Variants in SLCO1C1 observed in about 807,000 individuals in gnomAD.
The protein encoded by SLCO1C1 is OAT-RP-5.
SLCO1C1 carries 70 observed loss-of-function variants against 76.4 expected under a neutral mutation model. The ratio of observed to expected loss-of-function variants is 0.92; its 90% CI spans 0.76 to 1.12. SLCO1C1 has a LOEUF of 1.12. Ranked by LOEUF, SLCO1C1 falls within the 50% of genes most tolerant of loss-of-function variation. The pLI, the probability that SLCO1C1 is intolerant of heterozygous loss-of-function variation, is 0.00. For missense variants in SLCO1C1, 912 were observed against 823.8 expected (o/e 1.11, Z -1.31); for synonymous variants, 306 against 286.1 (o/e 1.07, Z -0.70).
At chr12:20,741,224 G>A (rs1016952717) in intron 12 of SLCO1C1, among the ~76,000 whole-genome samples, 14 of 152,088 alleles carry the variant, frequency 9.2e-5, no homozygotes, top group African/African-American at 3.4e-4. Context: ...AACATGTGGG[G>A]ATTACAATTT....
chr12:20,735,279 C>A (rs1948486663), intron 10 of SLCO1C1, among the ~76,000 whole-genome samples: 1 of 152,118 alleles, frequency 6.6e-6, no homozygotes, highest in Admixed American at 6.6e-5. Context: ...ATAACAAGGA[C>A]AACTCTGATG....
intron 6 of SLCO1C1, among the ~76,000 whole-genome samples, chr12:20,716,604 T>C (rs371676425): frequency 6.6e-6 from 1 of 152,204 alleles, no homozygotes; most frequent in South Asian, 2.1e-4. Context: ...GTTCCAGAGA[T>C]AACTTTTCCT....
intron 12 of SLCO1C1, among the ~76,000 whole-genome samples, chr12:20,742,216 A>G (rs1565543170): frequency 2.0e-5 from 3 of 152,156 alleles, no homozygotes; most frequent in Non-Finnish European, 4.4e-5. Flanking sequence ...TATTGTGCCA[A>G]GTGTAGAATC....
chr12:20,744,948 A>G (rs528813532), intron 13 of SLCO1C1, among the ~76,000 whole-genome samples: 4 of 152,318 alleles, frequency 2.6e-5, no homozygotes, highest in African/African-American at 9.6e-5. Flanking sequence ...ATGAATGGGA[A>G]AAATCTATCT....
rs1947398554 is a variant in SLCO1C1, at chr12:20,717,124, T to A, written c.677-8T>A. 6.3e-7 allele frequency: 1 copy of A among 1,589,868 alleles called. No individual in the cohort carries two copies. The highest frequency in any genetic ancestry group is 1.4e-5 in the African/African-American group (1 of 73,000). On this transcript the variant is annotated splice_region_variant and splice_polypyrimidine_tract_variant and intron_variant, in intron 6 of 14. Transcript: ENST00000266509. ...CTTTTTTTTTTTCCTTTTCTTTTCT[T>A]GGTGCAGGGTGTGTGCAGACGGTTG...
Position 20,732,944 on chromosome 12 carries a change from T to C in SLCO1C1, c.1222T>C (p.Phe408Leu). ...INIPAVALGI[F>L]SGGIVMKKFR... ...CATTCCAGCAGTGGCCCTTGGAATA[T>C]TCTCTGGGGGGATAGTTATGAAAAA... The change falls in exon 10 of 15, where the codon TTC (phenylalanine) becomes CTC (leucine). Residue 408 changes from phenylalanine to leucine, a missense_variant. Phe to Leu is a conservative substitution (Grantham distance 22). Coordinates refer to ENST00000266509, the MANE Select transcript of SLCO1C1 (RefSeq NM_017435.5). The C allele has an allele frequency of 6.2e-7, 1 of 1,614,084 alleles. No homozygotes were observed. Among genetic ancestry groups the C allele is most frequent in the East Asian group, 2.2e-5 (1 of 44,858 alleles).
intron 9 of SLCO1C1, among the ~76,000 whole-genome samples, chr12:20,729,675 A>G (rs1948180696): frequency 6.6e-6 from 1 of 151,782 alleles, no homozygotes; most frequent in African/African-American, 2.4e-5. Flanking sequence ...GGAAGCTCAG[A>G]GTACTCTGGG....
chr12:20,730,093 G>T (rs573948644), intron 9 of SLCO1C1, among the ~76,000 whole-genome samples: 2 of 152,056 alleles, frequency 1.3e-5, no homozygotes, highest in Non-Finnish European at 2.9e-5. Flanking sequence ...TTACGTCCAG[G>T]TTCAATTGGT....
chr12:20,749,960 A>C (rs1276138757), intron 13 of SLCO1C1, among the ~76,000 whole-genome samples: 2 of 152,216 alleles, frequency 1.3e-5, no homozygotes, highest in Non-Finnish European at 2.9e-5. Flanking sequence ...TACACAAGGC[A>C]TTCAGACAAG....
At position 20,752,579 on chromosome 12, in the gene SLCO1C1, C is replaced by G; in HGVS notation, c.*51C>G. On this transcript the variant is annotated 3_prime_UTR_variant, in exon 15 of 15. Transcript: ENST00000266509. ...TTCTAATTGGTTGACATTTTGCAAA[C>G]AAATAAATTGTAATCAAAAGAGCTC... is the stretch of plus-strand genomic sequence containing the variant. 1 of 1,418,526 alleles carries G rather than the reference C, an allele frequency of 7.0e-7. No homozygotes were observed. The highest frequency in any genetic ancestry group is 9.5e-7 in the Non-Finnish European group (1 of 1,050,596). 87.9% of individuals were successfully genotyped at this position (1,418,526 alleles called of 1,614,324 possible). A position where few individuals can be genotyped will look rare whatever the true frequency, so the allele number is the denominator to read the frequency against.
intron 6 of SLCO1C1, among the ~76,000 whole-genome samples, chr12:20,716,609 T>C (rs1947370636): frequency 1.3e-5 from 2 of 152,170 alleles, no homozygotes; most frequent in South Asian, 4.1e-4. Context: ...AGAGATAACT[T>C]TTCCTGCTCC....
At chr12:20,736,252 C>A (rs117474805) in intron 10 of SLCO1C1, among the ~76,000 whole-genome samples, 5,847 of 138,362 alleles carry the variant, frequency 0.042, 339 homozygotes, top group Admixed American at 0.2. Flanking sequence ...AATATAAAAG[C>A]GAATGGCAGA....
chr12:20,743,217 T>C (rs1948899532), intron 12 of SLCO1C1, 88 bp from the exon 13 acceptor site: 1 of 1,224,576 alleles, frequency 8.2e-7, no homozygotes, highest in Non-Finnish European at 1.2e-6. Context: ...TAACATGATT[T>C]CATGTATGTT....
At chr12:20,704,349 G>A (rs556794210) in intron 3 of SLCO1C1, among the ~76,000 whole-genome samples, 2 of 151,266 alleles carry the variant, frequency 1.3e-5, no homozygotes, top group South Asian at 4.2e-4. Flanking sequence ...TGTTTATTGT[G>A]TGGTATTGGT....
intron 4 of SLCO1C1, among the ~76,000 whole-genome samples, chr12:20,708,415 C>T (rs1433236004): frequency 6.6e-6 from 1 of 152,016 alleles, no homozygotes; most frequent in Non-Finnish European, 1.5e-5. Flanking sequence ...AGAAAATAAA[C>T]AGATAAATAC....
At chr12:20,721,615 T>C (rs1349001175) in intron 7 of SLCO1C1, among the ~76,000 whole-genome samples, 189 bp from the exon 8 acceptor site, 1 of 152,108 alleles carries the variant, frequency 6.6e-6, no homozygotes, top group Non-Finnish European at 1.5e-5. Context: ...TGTGGTGGTC[T>C]GGAGCTGAAC....
chr12:20,735,447 C>T (rs1009494084), intron 10 of SLCO1C1, among the ~76,000 whole-genome samples: 1 of 152,198 alleles, frequency 6.6e-6, no homozygotes, highest in African/African-American at 2.4e-5. Flanking sequence ...CCAATGTTCC[C>T]TCCAGCTCCA....
chr12:20,718,865 G>C (rs1392745444), intron 7 of SLCO1C1, among the ~76,000 whole-genome samples: 2 of 152,058 alleles, frequency 1.3e-5, no homozygotes, highest in Non-Finnish European at 2.9e-5. Context: ...ACAAAAGAAA[G>C]TATCTTGCTC....
At chr12:20,701,579 T>TTC in intron 3 of SLCO1C1, 120 bp downstream of exon 3, 1 of 945,550 alleles carries the variant, frequency 1.1e-6, no homozygotes, top group East Asian at 2.9e-5. Flanking sequence ...AATCTTTTTT[T>TTC]TTTTTTTTGG....
Sources: allele counts gnomAD v4.1 joint callset (sites outside exome capture counted in the v4.1 genomes callset), GRCh38; gene constraint gnomAD v4.1.1; transcripts MANE v1.5; gene names NCBI Gene and HGNC (gene_info 2026-07-23, HGNC 2026-07-21).